The following CRADD variants were observed in gnomAD, a reference collection of about 807,000 sequenced individuals.
CRADD encodes the protein death domain-containing protein CRADD.
Under a neutral mutation model 15.5 loss-of-function variants are expected in CRADD, and 9 were observed. The observed-to-expected ratio is 0.58, with a 90% confidence interval of 0.35 to 1.01. The LOEUF (loss-of-function observed/expected upper bound fraction) is 1.01. Among genes scored for constraint, CRADD ranks in the 50% least tolerant of loss-of-function variants. The probability of loss-of-function intolerance (pLI) is 0.02; values close to 1 mark genes in which losing one functional copy is unlikely to be tolerated. For synonymous variants in CRADD, 118 were observed against 107.6 expected (o/e 1.10, Z -0.60); for missense variants, 227 against 250.3 (o/e 0.91, Z 0.63).
chr12:93,852,305 A>G (rs1448818044), downstream of CRADD, among the ~76,000 whole-genome samples: 2 of 152,352 alleles, frequency 1.3e-5, no homozygotes, highest in Non-Finnish European at 2.9e-5. Flanking sequence ...GCATTTTAGA[A>G]GCAGGTCTGA....
At chr12:93,682,025 TTAAAG>T (rs1182283746) in intron 2 of CRADD, among the ~76,000 whole-genome samples, 4 of 152,186 alleles carry the variant, frequency 2.6e-5, no homozygotes, top group Non-Finnish European at 5.9e-5. Flanking sequence ...TTTTACATGT[TTAAAG>T]TAATTTAATT....
chr12:93,778,623 A>G (rs892294109), intron 2 of CRADD, among the ~76,000 whole-genome samples: 11 of 152,074 alleles, frequency 7.2e-5, no homozygotes, highest in African/African-American at 2.7e-4. Context: ...AAATGTTGAC[A>G]GGTTAAACTG....
intron 2 of CRADD, chr12:93,738,611 A>G: frequency 1.7e-6 from 1 of 592,322 alleles, no homozygotes; most frequent in South Asian, 2.1e-5. Context: ...AGCCCTTAAT[A>G]AAAACTAAAA....
chr12:93,699,784 G>A (rs1955797752), intron 2 of CRADD, among the ~76,000 whole-genome samples: 1 of 152,184 alleles, frequency 6.6e-6, no homozygotes, highest in Non-Finnish European at 1.5e-5. Context: ...CATTTTAAGT[G>A]CTCGTAGAGT....
At chr12:93,764,733 GTTT>G (rs3030258) in intron 2 of CRADD, among the ~76,000 whole-genome samples, 25 of 147,158 alleles carry the variant, frequency 1.7e-4, no homozygotes, top group Middle Eastern at 3.6e-3. Context: ...CATATTTTTG[GTTT>G]TTTTTTTTTG....
intron 2 of CRADD, among the ~76,000 whole-genome samples, chr12:93,751,209 G>A (rs1956825177): frequency 6.6e-6 from 1 of 152,194 alleles, no homozygotes; most frequent in South Asian, 2.1e-4. Context: ...AGCAAAGGAA[G>A]TTACAAAGCA....
chr12:93,799,683 T>G (rs942970550), intron 2 of CRADD, among the ~76,000 whole-genome samples: 1 of 152,226 alleles, frequency 6.6e-6, no homozygotes, highest in Non-Finnish European at 1.5e-5. Context: ...AAATAATGAC[T>G]GTTTTATTCT....
At chr12:93,851,860 G>A (rs1018286900), downstream of CRADD, among the ~76,000 whole-genome samples, 1 of 152,128 alleles carries the variant, frequency 6.6e-6, no homozygotes, top group Non-Finnish European at 1.5e-5. Context: ...TTATGGAATG[G>A]TAGAATTGAG....
intron 2 of CRADD, among the ~76,000 whole-genome samples, chr12:93,887,488 G>A (rs752614933): frequency 2.6e-5 from 4 of 152,310 alleles, no homozygotes; most frequent in East Asian, 1.9e-4. Flanking sequence ...TAAATATGTC[G>A]AAGGAGACTG....
At chr12:93,760,034 C>T (rs937278561) in intron 2 of CRADD, among the ~76,000 whole-genome samples, 3 of 152,206 alleles carry the variant, frequency 2.0e-5, no homozygotes, top group Admixed American at 1.3e-4. Flanking sequence ...TAACCCAGCC[C>T]GCAGAGACAT....
chr12:93,725,668 T>A (rs1956350055), intron 2 of CRADD, among the ~76,000 whole-genome samples: 1 of 152,196 alleles, frequency 6.6e-6, no homozygotes, highest in South Asian at 2.1e-4. Flanking sequence ...AATGCAAAAT[T>A]TGGTGCACTG....
chr12:93,815,396 T>C (rs1957684728), intron 2 of CRADD: 1 of 152,228 alleles, frequency 6.6e-6, no homozygotes, highest in Admixed American at 6.5e-5. Flanking sequence ...TTCGTGGTTA[T>C]TCTACAGGTA....
intron 2 of CRADD, among the ~76,000 whole-genome samples, chr12:93,843,198 C>T (rs1448929984): frequency 6.6e-6 from 1 of 151,934 alleles, no homozygotes; most frequent in East Asian, 1.9e-4. Context: ...TGCTGATGAC[C>T]CCGTCATGTA....
chr12:93,779,215 C>T (rs1231693954), intron 2 of CRADD, among the ~76,000 whole-genome samples: 1 of 152,118 alleles, frequency 6.6e-6, no homozygotes, highest in Non-Finnish European at 1.5e-5. Flanking sequence ...TCCAGAAAAG[C>T]CTTTCTATTT....
chr12:93,850,815 T>A, downstream of CRADD: 1 of 794,886 alleles, frequency 1.3e-6, no homozygotes, highest in Non-Finnish European at 1.5e-6. The surrounding 1 kb of genome is among the most constrained non-coding windows in gnomAD (Gnocchi z 4.0). Context: ...ATTAAGGGTG[T>A]AAAATTACAA....
Position 93,839,857 on chromosome 12 carries a change from A to G in CRADD, c.299-10113A>G, listed in dbSNP as rs527398438. On this transcript the variant is annotated intron_variant, in intron 2 of 2. Transcript: ENST00000332896. ...TTAGACATTAGCCTTGGTCTTAGAC[A>G]TCAGCTTGGATCACGTCTCCTTCAT... 1.6e-4 allele frequency among the ~76,000 whole-genome samples: 24 copies of G among 152,328 alleles called. No individual in the cohort carries two copies. The South Asian group carries it at 5.0e-3, about 32-fold the overall frequency.
intron 2 of CRADD, among the ~76,000 whole-genome samples, chr12:93,860,587 A>G (rs559628889): frequency 3.9e-5 from 6 of 152,154 alleles, no homozygotes; most frequent in Non-Finnish European, 4.4e-5. Flanking sequence ...AGACCCCCAC[A>G]AGAAGGTGAC....
intron 2 of CRADD, among the ~76,000 whole-genome samples, chr12:93,806,473 C>G (rs58532272): frequency 1.0e-4 from 8 of 79,206 alleles, no homozygotes; most frequent in East Asian, 6.0e-4. Context: ...AAAAAAAAAA[C>G]AAAAAAAAGA....
chr12:93,774,679 C>T (rs929761203), intron 2 of CRADD, among the ~76,000 whole-genome samples: 3 of 152,144 alleles, frequency 2.0e-5, no homozygotes, highest in African/African-American at 7.2e-5. Flanking sequence ...GGCTCTACAG[C>T]TTCTCAGTAA....
Sources: gnomAD v4.1 joint callset for allele counts (sites outside exome capture counted in the v4.1 genomes callset) on GRCh38, gnomAD v4.1.1 for gene constraint, Gnocchi (gnomAD v3.1) non-coding constraint, MANE v1.5 for transcripts, NCBI Gene and HGNC (gene_info 2026-07-23, HGNC 2026-07-21) for gene names.